Variants in NUP205 observed in about 807,000 individuals in gnomAD.
The protein encoded by NUP205 is nuclear pore complex protein Nup205.
NUP205 carries 76 observed loss-of-function variants against 253.8 expected under a neutral mutation model. That is an observed-to-expected ratio of 0.30 (90% CI 0.25 to 0.36). The LOEUF (loss-of-function observed/expected upper bound fraction) is 0.36. NUP205 is among the 10% of genes least tolerant of loss of function. The pLI is 1.00. For synonymous variants in NUP205, 832 were observed against 850.1 expected (o/e 0.98, Z 0.37); for missense variants, 2,162 against 2,425.5 (o/e 0.89, Z 2.28).
At chr7:135,641,739 G>GAGC (rs1554468939) in intron 38 of NUP205, among the ~76,000 whole-genome samples, 1 of 151,792 alleles carries the variant, frequency 6.6e-6, no homozygotes, top group African/African-American at 2.4e-5. Context: ...GGTTGAGGTT[G>GAGC]CAGTGATCCC....
intron 12 of NUP205, 37 bp downstream of exon 12, chr7:135,593,229 T>A: frequency 1.3e-6 from 2 of 1,550,580 alleles, no homozygotes; most frequent in East Asian, 4.5e-5. Context: ...TTATTTTTAT[T>A]ATAGCACAGT....
At chr7:135,620,640 A>G (rs964110143) in intron 30 of NUP205, among the ~76,000 whole-genome samples, 1 of 152,242 alleles carries the variant, frequency 6.6e-6, no homozygotes, top group Non-Finnish European at 1.5e-5. Flanking sequence ...CAAAAATGCT[A>G]CATCAACTTT....
At chr7:135,596,176 C>T (rs1013317442) in intron 13 of NUP205, among the ~76,000 whole-genome samples, 2 of 152,106 alleles carry the variant, frequency 1.3e-5, no homozygotes, top group Admixed American at 1.3e-4. Context: ...TCAGGTGATC[C>T]GCCTGCCTTG....
intron 34 of NUP205, 79 bp downstream of exon 34, chr7:135,628,190 A>G (rs1012708908): frequency 7.3e-7 from 1 of 1,372,608 alleles, no homozygotes; most frequent in Non-Finnish European, 1.0e-6. Context: ...CACACATAGA[A>G]TGCTTAAGTG....
chr7:135,637,570 G>A (rs369848190), intron 36 of NUP205, among the ~76,000 whole-genome samples: 1 of 152,120 alleles, frequency 6.6e-6, no homozygotes, highest in Non-Finnish European at 1.5e-5. Flanking sequence ...TCTTGTGACT[G>A]CCCTCTCATT....
intron 1 of NUP205, among the ~76,000 whole-genome samples, chr7:135,561,142 C>T (rs1245463401): frequency 3.3e-5 from 5 of 151,948 alleles, no homozygotes; most frequent in African/African-American, 9.7e-5. Flanking sequence ...GTCAGGAGTT[C>T]GAGACCAGCC....
Position 135,607,292 on chromosome 7 carries a change from T to C in NUP205, c.3116T>C (p.Ile1039Thr). 2 of 1,614,196 alleles carry C rather than the reference T, an allele frequency of 1.2e-6. No homozygotes were observed. Among genetic ancestry groups the C allele is most frequent in the Non-Finnish European group, 1.7e-6 (2 of 1,180,018 alleles). The change falls in exon 22 of 43, where the codon ATC becomes ACC. Residue 1039 changes from isoleucine (I) to threonine (T), a missense_variant. Physicochemically the swap from Ile to Thr is moderately conservative, Grantham distance 89 (BLOSUM62 -1). Coordinates refer to ENST00000285968, the MANE Select transcript of NUP205 (RefSeq NM_015135.3). ...ACATGCCTTCACGCCATTCTAAACA[T>C]CTTGGAGAAAGGAACGGAAGGGAGA... ...PRTCLHAILN[I>T]LEKGTEGRTG...
chr7:135,613,868 A>T (rs1264306257), intron 22 of NUP205: 1 of 165,368 alleles, frequency 6.0e-6, no homozygotes, highest in Admixed American at 6.2e-5. Context: ...AATGTACTAT[A>T]TGTGTATAGT....
At position 135,576,385 on chromosome 7, in the gene NUP205, A is replaced by G; in HGVS notation, c.459A>G (p.Arg153=). 6.2e-7 allele frequency: 1 copy of G among 1,613,796 alleles called. No homozygotes were observed. Among genetic ancestry groups the G allele is most frequent in the South Asian group, 1.1e-5 (1 of 91,042 alleles). The change falls in exon 4 of 43, where the codon AGA becomes AGG. Residue 153 remains arginine (R), a synonymous_variant. Coordinates refer to ENST00000285968, the MANE Select transcript of NUP205 (RefSeq NM_015135.3). ...ANSLKALIQS[R]RGKTWTLELS... is the part of the protein sequence containing the mutation. ...CCTTGAAAGCCTTGATACAGTCTAG[A>G]CGGGGAAAGACATGGACCCTAGAAC... is the stretch of plus-strand genomic sequence containing the variant.
chr7:135,581,977 C>G (rs1370518513), intron 7 of NUP205, among the ~76,000 whole-genome samples: 3 of 152,076 alleles, frequency 2.0e-5, no homozygotes, highest in Non-Finnish European at 4.4e-5. Flanking sequence ...GCCTTATTGC[C>G]TAAATGGTCT....
At chr7:135,570,900 T>A (rs1370916091) in intron 1 of NUP205, among the ~76,000 whole-genome samples, 54 of 124,544 alleles carry the variant, frequency 4.3e-4, no homozygotes, top group African/African-American at 1.5e-3. Context: ...TATTATATAT[T>A]TATATATAAT....
chr7:135,595,289 T>A (rs544763049), intron 13 of NUP205, among the ~76,000 whole-genome samples: 6 of 152,052 alleles, frequency 3.9e-5, no homozygotes, highest in Admixed American at 6.6e-5. Context: ...AGTTGTGTGA[T>A]CTCAGCTCAC....
chr7:135,623,557 A>G (rs1251014202), intron 31 of NUP205, among the ~76,000 whole-genome samples: 1 of 152,184 alleles, frequency 6.6e-6, no homozygotes, highest in Non-Finnish European at 1.5e-5. Context: ...ATTGCCTTGT[A>G]CTGAATAGAT....
In NUP205 at chr7:135,606,768, A is replaced by C. The variant is rs772612575; in HGVS notation, c.2923A>C (p.Lys975Gln). 4 of 1,613,694 alleles carry C rather than the reference A, an allele frequency of 2.5e-6. No individual in the cohort carries two copies. The African/African-American group carries it at 4.0e-5, about 16-fold the overall frequency. ...GCATTAAGGATCAGAACTTGAAAAG[A>C]AATTAGTTGCAATTCGTCATGAAAC... is the stretch of plus-strand genomic sequence containing the variant. The part of the protein sequence containing the change: ...RLEEGSELEK[K>Q]LVAIRHETRI... The change falls in exon 21 of 43, where the codon AAA becomes CAA. Residue 975 changes from lysine (K) to glutamine (Q), a missense_variant. Physicochemically the swap from Lys to Gln is moderately conservative, Grantham distance 53 (BLOSUM62 1). This residue lies in a region of NUP205 where 1,144 missense variants were observed against 1,280.9 expected (regional missense o/e 0.89). Coordinates refer to ENST00000285968, the MANE Select transcript of NUP205 (RefSeq NM_015135.3).
chr7:135,643,475 C>T, intron 39 of NUP205, 117 bp downstream of exon 39: 1 of 753,696 alleles, frequency 1.3e-6, no homozygotes, highest in East Asian at 2.7e-5. Flanking sequence ...TGGAATGATT[C>T]TTCTGTGTGA....
At chr7:135,633,051 G>A (rs948245851) in intron 35 of NUP205, among the ~76,000 whole-genome samples, 1 of 151,808 alleles carries the variant, frequency 6.6e-6, no homozygotes, top group South Asian at 2.1e-4. Flanking sequence ...CTGCAGCCTC[G>A]ACCTACCTGG....
rs1805985516 is a variant in NUP205, at chr7:135,571,107, G to T, written c.31G>T (p.Ala11Ser). The T allele has an allele frequency of 6.5e-7, 1 of 1,543,780 alleles. No homozygotes were observed. The highest frequency in any genetic ancestry group is 8.7e-7 in the Non-Finnish European group (1 of 1,144,962). Residue 11 changes from alanine to serine, a missense_variant and splice_region_variant, in exon 2 of 43, where the codon GCT becomes TCT. Ala to Ser is a moderately conservative substitution (Grantham distance 99). Coordinates refer to ENST00000285968, the MANE Select transcript of NUP205 (RefSeq NM_015135.3). ...GTTTCATTTATTTTTTCTTTAAGCT[G>T]CTAGTCTATGGGGTCCTTACAAAGA... MATPLAVNSA[A>S]SLWGPYKDIW... is the part of the protein sequence containing the mutation.
At chr7:135,573,885 A>G in intron 3 of NUP205, 60 bp downstream of exon 3, 1 of 1,244,550 alleles carries the variant, frequency 8.0e-7, no homozygotes, top group South Asian at 1.4e-5. Flanking sequence ...AATCACTCAT[A>G]GTTTAAAATA....
intron 7 of NUP205, among the ~76,000 whole-genome samples, chr7:135,583,614 G>A (rs1052993955): frequency 6.6e-6 from 1 of 151,966 alleles, no homozygotes; most frequent in African/African-American, 2.4e-5. Context: ...ACAAAAATTA[G>A]CCAGGTGTGT....
Sources: allele counts gnomAD v4.1 joint callset (sites outside exome capture counted in the v4.1 genomes callset), GRCh38; gene constraint gnomAD v4.1.1; regional missense constraint gnomAD v4.1.1; transcripts MANE v1.5; gene names NCBI Gene and HGNC (gene_info 2026-07-23, HGNC 2026-07-21).